The following MAGI2 variants were observed in gnomAD, a reference collection of about 807,000 sequenced individuals.
MAGI2 encodes the protein membrane associated guanylate kinase, WW and PDZ domain containing 2, also known as membrane-associated guanylate kinase, WW and PDZ domain-containing protein 2.
A neutral mutation model predicts 133.3 loss-of-function variants in MAGI2; 35 were observed. The ratio of observed to expected loss-of-function variants is 0.26; its 90% confidence interval spans 0.20 to 0.35. MAGI2 has a LOEUF of 0.35. Ranked by LOEUF, MAGI2 falls within the 10% of genes least tolerant of loss-of-function variation. The pLI, the probability that MAGI2 is intolerant of heterozygous loss-of-function variation, is 1.00. For synonymous variants in MAGI2, 729 were observed against 710.6 expected (o/e 1.03, Z -0.41); for missense variants, 1,636 against 1,863.4 (o/e 0.88, Z 2.25).
intron 6 of MAGI2, among the ~76,000 whole-genome samples, chr7:78,440,069 T>A (rs1472953679): frequency 6.6e-6 from 1 of 151,932 alleles, no homozygotes; most frequent in East Asian, 1.9e-4. Context: ...ATATTTAAAG[T>A]CACATTTAAA....
intron 2 of MAGI2, among the ~76,000 whole-genome samples, chr7:78,894,356 C>G (rs1226975284): frequency 2.6e-5 from 4 of 152,042 alleles, no homozygotes; most frequent in African/African-American, 7.2e-5. Context: ...GAGCGGAGAT[C>G]GCACATGGGC....
intron 2 of MAGI2, among the ~76,000 whole-genome samples, chr7:78,903,681 T>C (rs1797790630): frequency 6.6e-6 from 1 of 152,146 alleles, no homozygotes; most frequent in Admixed American, 6.5e-5. Context: ...CTGACATACA[T>C]TTTGACATAC....
intron 1 of MAGI2, among the ~76,000 whole-genome samples, chr7:79,147,353 C>T (rs564956375): frequency 6.6e-6 from 1 of 152,310 alleles, no homozygotes; most frequent in South Asian, 2.1e-4. Context: ...AAAGCCCAAG[C>T]TTGCTTTACT....
chr7:78,664,750 G>A (rs138393988), intron 2 of MAGI2, among the ~76,000 whole-genome samples: 260 of 151,538 alleles, frequency 1.7e-3, no homozygotes, highest in African/African-American at 5.8e-3. Flanking sequence ...TTATTAATAC[G>A]TGCCTAAGTA....
chr7:79,028,273 G>GTATATATATATA (rs1562805388), intron 1 of MAGI2, among the ~76,000 whole-genome samples: 1 of 20,670 alleles, frequency 4.8e-5, no homozygotes, highest in African/African-American at 1.2e-4. Context: ...ATATATGTAT[G>GTATATATATATA]TATGTATATA....
intron 20 of MAGI2, among the ~76,000 whole-genome samples, chr7:78,095,704 T>C (rs1199604378): frequency 1.3e-5 from 2 of 152,148 alleles, no homozygotes; most frequent in African/African-American, 4.8e-5. Flanking sequence ...AAGGGATGGT[T>C]AATGCTTTTA....
chr7:78,176,610 C>T (rs112300212), intron 14 of MAGI2, among the ~76,000 whole-genome samples: 10 of 152,214 alleles, frequency 6.6e-5, no homozygotes, highest in East Asian at 5.8e-4. Context: ...CAGTTTTAAC[C>T]GTTTCAGATT....
At chr7:79,361,880 A>G (rs766567577) in intron 1 of MAGI2, among the ~76,000 whole-genome samples, 6 of 152,160 alleles carry the variant, frequency 3.9e-5, no homozygotes, top group African/African-American at 7.2e-5. Context: ...AATATAAATG[A>G]AAACAAAAAC....
intron 21 of MAGI2, among the ~76,000 whole-genome samples, chr7:78,070,162 TACAC>T (rs1304325793): frequency 7.1e-4 from 38 of 53,602 alleles, no homozygotes; most frequent in African/African-American, 1.2e-3. Flanking sequence ...CACATATATA[TACAC>T]ACACACACAT....
At chr7:78,572,445 G>A (rs780292395) in intron 3 of MAGI2, among the ~76,000 whole-genome samples, 3 of 151,964 alleles carry the variant, frequency 2.0e-5, no homozygotes, top group Non-Finnish European at 2.9e-5. Context: ...TTAAATTGGC[G>A]GCCCTCAGGG....
intron 1 of MAGI2, among the ~76,000 whole-genome samples, chr7:79,376,692 C>T (rs912479669): frequency 3.3e-5 from 5 of 151,698 alleles, no homozygotes; most frequent in South Asian, 2.1e-4. Context: ...CAGTACAGCC[C>T]GAAATTTTAA....
At chr7:79,319,994 A>G (rs542377170) in intron 1 of MAGI2, among the ~76,000 whole-genome samples, 55 of 152,282 alleles carry the variant, frequency 3.6e-4, no homozygotes, top group African/African-American at 1.1e-3. Flanking sequence ...TTTCAAATGC[A>G]TAGGTTAAGT....
At chr7:78,889,781 A>C (rs1023381572) in intron 2 of MAGI2, among the ~76,000 whole-genome samples, 2 of 152,322 alleles carry the variant, frequency 1.3e-5, no homozygotes, top group East Asian at 1.9e-4. Context: ...AACATGCCAA[A>C]TTGTGAAGAC....
rs573325943 is a variant in MAGI2 at position 79,169,458 on chromosome 7, G to A, written c.302-162252C>T. ...CAAGGACTGCTTTTACTACCATGAAGACTTTAAAGCAGCATTTAACATTTG... is the reference window on the plus strand; with the variant it reads ...CAAGGACTGCTTTTACTACCATGAAAACTTTAAAGCAGCATTTAACATTTG... On this transcript the variant is annotated intron_variant, in intron 1 of 21. Transcript: ENST00000354212. 8.5e-5 allele frequency among the ~76,000 whole-genome samples: 13 copies of A among 152,154 alleles called. No individual in the cohort carries two copies. The South Asian group carries it at 2.5e-3, about 29-fold the overall frequency.
Position 78,233,391 on chromosome 7 carries a change from C to T in MAGI2, c.2047+22552G>A, listed in dbSNP as rs1030165948. Among the ~76,000 whole-genome samples, 9 of 151,984 alleles carry T rather than the reference C, an allele frequency of 5.9e-5. No homozygotes were observed. In the South Asian group the frequency reaches 6.2e-4, roughly 11 times the overall value. On this transcript the variant is annotated intron_variant, in intron 10 of 21. Transcript: ENST00000354212. Reference sequence around the variant, plus strand: ...CTGGAAGAAATGAGAAATATTCATTCGACAAATAGAAAGTCAACAGAGAGA... The same window carrying T: ...CTGGAAGAAATGAGAAATATTCATTTGACAAATAGAAAGTCAACAGAGAGA...
At chr7:79,288,379 T>C (rs542521315) in intron 1 of MAGI2, among the ~76,000 whole-genome samples, 1 of 152,144 alleles carries the variant, frequency 6.6e-6, no homozygotes, top group East Asian at 1.9e-4. Flanking sequence ...TTATTAACTA[T>C]ATATTATGAA....
intron 1 of MAGI2, among the ~76,000 whole-genome samples, chr7:79,113,617 C>G (rs1008502272): frequency 2.6e-5 from 4 of 152,146 alleles, no homozygotes; most frequent in African/African-American, 7.2e-5. Context: ...TCAAGAGCTA[C>G]TAGCAAAGTT....
intron 1 of MAGI2, among the ~76,000 whole-genome samples, chr7:79,357,652 C>T (rs1448945347): frequency 6.6e-6 from 1 of 152,176 alleles, no homozygotes; most frequent in Non-Finnish European, 1.5e-5. Context: ...GCCCTTCCAT[C>T]TCTGTCCAAA....
intron 2 of MAGI2, among the ~76,000 whole-genome samples, chr7:78,980,340 C>T (rs1362765812): frequency 6.6e-6 from 1 of 151,822 alleles, no homozygotes; most frequent in Non-Finnish European, 1.5e-5. Context: ...AACTGCAACA[C>T]AAATTTATAC....
Sources: allele counts gnomAD v4.1 joint callset (sites outside exome capture counted in the v4.1 genomes callset), GRCh38; gene constraint gnomAD v4.1.1; transcripts MANE v1.5; gene names NCBI Gene and HGNC (gene_info 2026-07-23, HGNC 2026-07-21).